The following RYR2 variants were observed in gnomAD, a reference collection of about 807,000 sequenced individuals.
The protein encoded by RYR2 is cardiac muscle ryanodine receptor-calcium release channel.
In RYR2, 227 loss-of-function variants were observed where a neutral mutation model predicts 601.1. That is an observed-to-expected ratio of 0.38 (90% CI 0.34 to 0.42). The LOEUF (loss-of-function observed/expected upper bound fraction) is 0.42. Among genes scored for constraint, RYR2 ranks in the 10% least tolerant of loss-of-function variants. The probability of loss-of-function intolerance (pLI) is 1.00; values close to 1 mark genes in which losing one functional copy is unlikely to be tolerated. For missense variants in RYR2, 4,646 were observed against 6,156.5 expected, an observed-to-expected ratio of 0.75 and a Z score of 8.21; for synonymous variants, 2,223 against 2,175.1, an observed-to-expected ratio of 1.02 and a Z score of -0.61.
chr1:237,826,643 T>TAAA (rs35683566), intron 101 of RYR2, among the ~76,000 whole-genome samples: 10 of 151,800 alleles, frequency 6.6e-5, no homozygotes, highest in African/African-American at 2.2e-4. Context: ...TAAAGTATAA[T>TAAA]AAAAAAAGGA....
intron 16 of RYR2, among the ~76,000 whole-genome samples, chr1:237,465,891 A>T (rs1242458162): frequency 6.6e-6 from 1 of 152,200 alleles, no homozygotes; most frequent in Non-Finnish European, 1.5e-5. Flanking sequence ...GTCTTAAGGG[A>T]TGATCATTTT....
In RYR2 at chr1:237,655,959, A is replaced by G; in HGVS notation, c.8104A>G (p.Asn2702Asp). 1 of 1,613,508 alleles carries G rather than the reference A, an allele frequency of 6.2e-7. No individual in the cohort carries two copies. Among genetic ancestry groups the G allele is most frequent in the Non-Finnish European group, 8.5e-7 (1 of 1,179,656 alleles). ...QSSMDSEGNF[N>D]PQPVDTSNIT... is the part of the protein sequence containing the mutation. ...ATCAATGGATTCTGAAGGGAACTTT[A>G]ACCCACAACCTGTTGATACCTCAAA... is the stretch of plus-strand genomic sequence containing the variant. Residue 2702 changes from asparagine (N) to aspartate (D), a missense_variant, in exon 53 of 105, where the codon AAC becomes GAC. Physicochemically the swap from Asn to Asp is conservative, Grantham distance 23. Around this residue, in one of 17 missense-constraint regions of RYR2, gnomAD observed 1,497 missense variants for 1,842.6 expected, o/e 0.81. Transcript: ENST00000366574.
At chr1:237,227,877 A>G (rs1162921955) in intron 1 of RYR2, among the ~76,000 whole-genome samples, 2 of 152,150 alleles carry the variant, frequency 1.3e-5, no homozygotes, top group African/African-American at 4.8e-5. Flanking sequence ...TTTGATGTTG[A>G]GTAGCAGAAG....
At chr1:237,109,721 C>CA (rs56185429) in intron 1 of RYR2, among the ~76,000 whole-genome samples, 23,433 of 66,682 alleles carry the variant, frequency 0.35, 2,130 homozygotes, top group Non-Finnish European at 0.45. Flanking sequence ...GACTCCGTCT[C>CA]AAAAAAAAAA....
At chr1:237,072,186 C>T (rs1035641450) in intron 1 of RYR2, among the ~76,000 whole-genome samples, 6 of 152,216 alleles carry the variant, frequency 3.9e-5, no homozygotes, top group African/African-American at 1.2e-4. Flanking sequence ...TCGTGCCCTC[C>T]GGCTCCATGG....
intron 29 of RYR2, among the ~76,000 whole-genome samples, chr1:237,574,040 G>A (rs1672980966): frequency 6.6e-6 from 1 of 152,146 alleles, no homozygotes; most frequent in South Asian, 2.1e-4. Flanking sequence ...TTGAACTAGA[G>A]TGAAATTCCA....
intron 1 of RYR2, among the ~76,000 whole-genome samples, chr1:237,091,873 C>T (rs1211776253): frequency 6.6e-6 from 1 of 152,152 alleles, no homozygotes; most frequent in Non-Finnish European, 1.5e-5. Flanking sequence ...CTGAAGGTGC[C>T]CTGGAAGCAG....
At chr1:237,476,416 A>G (rs1227876736) in intron 17 of RYR2, among the ~76,000 whole-genome samples, 3 of 149,024 alleles carry the variant, frequency 2.0e-5, no homozygotes, top group Non-Finnish European at 3.0e-5. Context: ...AGGCCGAGGC[A>G]GGAGAATCGC....
chr1:237,705,184 C>T (rs956081238), intron 66 of RYR2, 29 bp from the exon 67 acceptor site: 25 of 1,595,046 alleles, frequency 1.6e-5, no homozygotes, highest in Non-Finnish European at 2.1e-5. Flanking sequence ...CTTGGAAGAC[C>T]TTAAAACATA....
intron 1 of RYR2, among the ~76,000 whole-genome samples, chr1:237,049,288 G>T (rs989367442): frequency 6.6e-6 from 1 of 152,312 alleles, no homozygotes; most frequent in East Asian, 1.9e-4. Context: ...CAGCTGTCAG[G>T]GGGTGAGGTG....
At chr1:237,545,509 T>C (rs1257561444) in intron 25 of RYR2, among the ~76,000 whole-genome samples, 1 of 152,192 alleles carries the variant, frequency 6.6e-6, no homozygotes, top group Admixed American at 6.5e-5. Context: ...CTGTGGCTGC[T>C]AGATGGGATC....
intron 3 of RYR2, among the ~76,000 whole-genome samples, chr1:237,338,686 A>G (rs548385115): frequency 6.6e-6 from 1 of 152,228 alleles, no homozygotes; most frequent in South Asian, 2.1e-4. Flanking sequence ...AGATCTTCAT[A>G]TTTCTTTTAC....
Position 237,660,905 on chromosome 1 carries a change from G to T in RYR2, c.8394G>T (p.Met2798Ile). 1 of 1,516,168 alleles carries T rather than the reference G, an allele frequency of 6.6e-7. No homozygotes were observed. The highest frequency in any genetic ancestry group is 8.9e-7 in the Non-Finnish European group (1 of 1,128,740). 93.9% of individuals were successfully genotyped at this position (1,516,168 alleles called of 1,614,324 possible). The change falls in exon 56 of 105, where the codon ATG becomes ATT. Residue 2798 changes from methionine to isoleucine, a missense_variant. Met to Ile is a conservative substitution (Grantham distance 10, BLOSUM62 1). Around this residue, in one of 17 missense-constraint regions of RYR2, gnomAD observed 1,497 missense variants for 1,842.6 expected, o/e 0.81. Transcript: ENST00000366574. ...RIERTREGDS[M>I]ALYNRTRRIS... is the part of the protein sequence containing the mutation. The stretch of plus-strand genomic sequence containing the variant: ...AAAGAACTCGGGAGGGAGACAGCAT[G>T]GCCCTTTACAACCGGACTCGTCGTA...
chr1:237,317,815 T>A (rs117393726), intron 2 of RYR2, among the ~76,000 whole-genome samples: 1 of 152,284 alleles, frequency 6.6e-6, no homozygotes, highest in East Asian at 1.9e-4. Context: ...TCATGTGCAT[T>A]TTTTGTGTTC....
At chr1:237,152,134 TG>T (rs1674778817) in intron 1 of RYR2, among the ~76,000 whole-genome samples, 1 of 152,182 alleles carries the variant, frequency 6.6e-6, no homozygotes, top group Non-Finnish European at 1.5e-5. Context: ...GTTCGTTTGC[TG>T]AGGATGATGG....
chr1:237,515,697 C>CCT (rs1666379241), intron 24 of RYR2, among the ~76,000 whole-genome samples: 1 of 135,320 alleles, frequency 7.4e-6, no homozygotes, highest in South Asian at 2.7e-4. Flanking sequence ...CCTTCCTTCC[C>CCT]TCCCCTCCTT....
At chr1:237,688,599 A>G (rs1211962140) in intron 63 of RYR2, among the ~76,000 whole-genome samples, 3 of 152,264 alleles carry the variant, frequency 2.0e-5, no homozygotes, top group Non-Finnish European at 4.4e-5. Context: ...CTGAGTTTTT[A>G]CATTAATATT....
chr1:237,427,091 A>G (rs1706250242), intron 12 of RYR2, among the ~76,000 whole-genome samples: 1 of 152,220 alleles, frequency 6.6e-6, no homozygotes, highest in Non-Finnish European at 1.5e-5. Flanking sequence ...CATTTACTAA[A>G]ACAAGATGAT....
At chr1:237,687,366 C>CTCTT (rs1686501547) in intron 62 of RYR2, 89 bp from the exon 63 acceptor site, 1 of 246,340 alleles carries the variant, frequency 4.1e-6, no homozygotes, top group Non-Finnish European at 7.4e-6. Context: ...TTTTCTTCTT[C>CTCTT]TTTTTTTTTT....
Sources: allele counts gnomAD v4.1 joint callset (sites outside exome capture counted in the v4.1 genomes callset), GRCh38; gene constraint gnomAD v4.1.1; regional missense constraint gnomAD v4.1.1; transcripts MANE v1.5; gene names NCBI Gene and HGNC (gene_info 2026-07-23, HGNC 2026-07-21).